The following NOTCH1 variants were observed in gnomAD, a reference collection of about 807,000 sequenced individuals.
NOTCH1 encodes neurogenic locus notch homolog protein 1.
A neutral mutation model predicts 254.8 loss-of-function variants in NOTCH1; 37 were observed. The ratio of observed to expected loss-of-function variants is 0.15; its 90% CI spans 0.11 to 0.19. NOTCH1 has a LOEUF of 0.19. Among genes scored for constraint, NOTCH1 ranks in the 10% least tolerant of loss-of-function variants. The pLI is 1.00. For missense variants in NOTCH1, 2,972 were observed against 3,708.6 expected (o/e 0.80, Z 5.16); for synonymous variants, 1,731 against 1,618.1 (o/e 1.07, Z -1.68).
chr9:136,519,248 C>A (rs1843328088), intron 5 of NOTCH1, among the ~76,000 whole-genome samples, 195 bp downstream of exon 5: 1 of 152,218 alleles, frequency 6.6e-6, no homozygotes, highest in South Asian at 2.1e-4. Context: ...TCTGTGCTGA[C>A]CCCCGAGGTG....
rs1225398496 is a variant in NOTCH1, at chr9:136,504,661, G to C, written c.5018+12C>G. ...TTGCGGGGATTGACCGTGGGCGCCGGGTCTCACTCACCCGCGGACGTCCAT... is the reference window on the plus strand; with the variant it reads ...TTGCGGGGATTGACCGTGGGCGCCGCGTCTCACTCACCCGCGGACGTCCAT... On this transcript the variant is annotated intron_variant, in intron 26 of 33. Transcript: ENST00000651671. The C allele has an allele frequency of 4.0e-6, 6 of 1,499,908 alleles. No individual in the cohort carries two copies. In the South Asian group the frequency reaches 7.9e-5, roughly 20 times the overall value. 92.9% of individuals were successfully genotyped at this position (1,499,908 alleles called of 1,614,324 possible). A position where few individuals can be genotyped will look rare whatever the true frequency, so the allele number is the denominator to read the frequency against.
intron 33 of NOTCH1, 33 bp from the exon 34 acceptor site, chr9:136,497,591 G>A (rs926750862): frequency 1.8e-5 from 28 of 1,520,836 alleles, no homozygotes; most frequent in Non-Finnish European, 2.4e-5. Flanking sequence ...GGTGAGGGGG[G>A]CCAGGCCAGG....
Position 136,509,777 on chromosome 9 carries a change from G to A in NOTCH1, c.2925C>T (p.Phe975=), listed in dbSNP as rs2133350488. 6.2e-7 allele frequency: 1 copy of A among 1,613,106 alleles called. No individual in the cohort carries two copies. The highest frequency in any genetic ancestry group is 1.1e-5 in the South Asian group (1 of 91,088). ...DSYTCTCPAG[F]SGIHCENNTP... ...TGTTGTTCTCACAGTGGATCCCGCT[G>A]AAGCCTGCGGGGCAGGTGCACGTGT... The change falls in exon 18 of 34, where the codon TTC becomes TTT. Residue 975 remains phenylalanine (F), a synonymous_variant. Coordinates refer to ENST00000651671, the MANE Select transcript of NOTCH1 (RefSeq NM_017617.5).
rs147519081 is a variant in NOTCH1 at position 136,511,336 on chromosome 9, C to T, written c.2468-65G>A. 50 of 1,539,502 alleles carry T rather than the reference C, an allele frequency of 3.2e-5. No homozygotes were observed. The Middle Eastern group carries it at 5.0e-4, about 16-fold the overall frequency. ...CAGAGGGATCTCCCAAATCGGCCAC[C>T]GCCTGCTGGTCTTTCCGCCATCAGA... On this transcript the variant is annotated intron_variant, in intron 15 of 33. Coordinates refer to ENST00000651671, the MANE Select transcript of NOTCH1 (RefSeq NM_017617.5).
Position 136,513,009 on chromosome 9 carries a change from C to A in NOTCH1, c.2467+12G>T, listed in dbSNP as rs1843206985. ...CCCGCCCCCTCCAGCACAGGCCCCA[C>A]CCACCCCTCACCTGTGTAGGGCAGC... On this transcript the variant is annotated intron_variant, in intron 15 of 33. Transcript: ENST00000651671. The surrounding 1 kb of genome is among the most constrained non-coding windows in gnomAD (Gnocchi z 4.7). 6.7e-7 allele frequency: 1 copy of A among 1,501,234 alleles called. No homozygotes were observed. The highest frequency in any genetic ancestry group is 1.1e-5 in the South Asian group (1 of 88,170). 93.0% of individuals were successfully genotyped at this position (1,501,234 alleles called of 1,614,324 possible). A position where few individuals can be genotyped will look rare whatever the true frequency, so the allele number is the denominator to read the frequency against.
In NOTCH1 at chr9:136,494,756, G is replaced by T; in HGVS notation, c.*1315C>A. ...CAAGTCTGACGTCCCTCACTGGCATGACACACAACAGACTCATTCATTAAG... is the reference window on the plus strand; with the variant it reads ...CAAGTCTGACGTCCCTCACTGGCATTACACACAACAGACTCATTCATTAAG... On this transcript the variant is annotated 3_prime_UTR_variant, in exon 34 of 34. Coordinates refer to ENST00000651671, the MANE Select transcript of NOTCH1 (RefSeq NM_017617.5). 2.5e-6 allele frequency: 1 copy of T among 398,756 alleles called. No individual in the cohort carries two copies. The highest frequency in any genetic ancestry group is 4.4e-5 in the Admixed American group (1 of 22,742). 24.7% of individuals were successfully genotyped at this position (398,756 alleles called of 1,614,324 possible). A position where few individuals can be genotyped will look rare whatever the true frequency, so the allele number is the denominator to read the frequency against.
rs1426382464 is a variant in NOTCH1 at position 136,540,305 on chromosome 9, C to G, written c.140+3719G>C. Reference sequence around the variant, plus strand: ...GGAGCAGAACGCAGCACACAGCAGGCGCTCAAACGTGTCTGTGAACTGGAG... The same window carrying G: ...GGAGCAGAACGCAGCACACAGCAGGGGCTCAAACGTGTCTGTGAACTGGAG... On this transcript the variant is annotated intron_variant, in intron 2 of 33. Transcript: ENST00000651671. This position sits in a 1 kb window ranked among gnomAD's most constrained non-coding sequence, Gnocchi z 4.4. 6.6e-6 allele frequency among the ~76,000 whole-genome samples: 1 copy of G among 152,188 alleles called. No homozygotes were observed. Among genetic ancestry groups the G allele is most frequent in the Admixed American group, 6.5e-5 (1 of 15,278 alleles).
At chr9:136,514,788 G>C in intron 12 of NOTCH1, 86 bp from the exon 13 acceptor site, 1 of 1,349,404 alleles carries the variant, frequency 7.4e-7, no homozygotes, top group Non-Finnish European at 1.0e-6. Flanking sequence ...CTGTTGAGCC[G>C]GGGCGATCAC....
Position 136,506,200 on chromosome 9 carries a change from A to T in NOTCH1, c.4015-319T>A, listed in dbSNP as rs372222041. On this transcript the variant is annotated intron_variant, in intron 24 of 33. Coordinates refer to ENST00000651671, the MANE Select transcript of NOTCH1 (RefSeq NM_017617.5). The surrounding 1 kb of genome is among the most constrained non-coding windows in gnomAD (Gnocchi z 4.5). ...GCCCAAACCCACAACCACAAAGCCA[A>T]GGGCAAGCCCCAGGTACAGGAAGGG... 2.8e-4 allele frequency among the ~76,000 whole-genome samples: 43 copies of T among 152,232 alleles called. No individual in the cohort carries two copies. Among genetic ancestry groups the T allele is most frequent in the African/African-American group, 9.6e-4 (40 of 41,544 alleles).
intron 2 of NOTCH1, among the ~76,000 whole-genome samples, chr9:136,530,652 G>C (rs767967858): frequency 6.6e-6 from 1 of 152,212 alleles, no homozygotes; most frequent in Non-Finnish European, 1.5e-5. Context: ...TCCACTGCGG[G>C]AATTTCCCAC....
intron 2 of NOTCH1, among the ~76,000 whole-genome samples, chr9:136,531,474 T>C (rs1046090108): frequency 6.6e-6 from 1 of 152,182 alleles, no homozygotes; most frequent in Non-Finnish European, 1.5e-5. Context: ...ACGGTCTGGA[T>C]GTTTTGCCTG....
intron 2 of NOTCH1, chr9:136,542,832 T>A (rs970130368): frequency 3.9e-5 from 6 of 152,334 alleles, no homozygotes; most frequent in Middle Eastern, 6.8e-3. Flanking sequence ...CGGAGGGAAC[T>A]CTTTTTCCAG....
intron 24 of NOTCH1, 37 bp from the exon 25 acceptor site, chr9:136,505,918 G>T: frequency 6.6e-7 from 1 of 1,517,788 alleles, no homozygotes; most frequent in Non-Finnish European, 8.8e-7. Context: ...GTCGGGGTGG[G>T]CCACCCCCCG....
rs529910869 is a variant in NOTCH1, at chr9:136,539,946, A to G, written c.140+4078T>C. Among the ~76,000 whole-genome samples, 7 of 152,344 alleles carry G rather than the reference A, an allele frequency of 4.6e-5. No individual in the cohort carries two copies. In the East Asian group the frequency reaches 1.4e-3, roughly 29 times the overall value. ...GAAGCCACGCCCCCAGTCCGCTTGT[A>G]GTCGGGAAATGACGGGGCAGCTCAG... On this transcript the variant is annotated intron_variant, in intron 2 of 33. Coordinates refer to ENST00000651671, the MANE Select transcript of NOTCH1 (RefSeq NM_017617.5).
intron 26 of NOTCH1, among the ~76,000 whole-genome samples, chr9:136,504,464 T>G (rs1589057963): frequency 6.6e-6 from 1 of 152,206 alleles, no homozygotes; most frequent in South Asian, 2.1e-4. Flanking sequence ...GGTGTGGCTG[T>G]GGGGTCAGGG....
Position 136,506,698 on chromosome 9 carries a change from C to G in NOTCH1, c.3901+18G>C. On this transcript the variant is annotated intron_variant, in intron 23 of 33. Transcript: ENST00000651671. This position sits in a 1 kb window ranked among gnomAD's most constrained non-coding sequence, Gnocchi z 4.5. ...CCTGCTGCCCCACACGCCCCACCCG[C>G]CTGGGCGCGGCACCCACCGGTGTGA... 6.3e-7 allele frequency: 1 copy of G among 1,596,642 alleles called. No individual in the cohort carries two copies. The highest frequency in any genetic ancestry group is 8.5e-7 in the Non-Finnish European group (1 of 1,172,390).
In NOTCH1 at chr9:136,502,429, C is replaced by T. The variant is rs767215912; in HGVS notation, c.5227G>A (p.Ala1743Thr). The change falls in exon 28 of 34, where the codon GCC becomes ACC. Residue 1743 changes from alanine (A) to threonine (T), a missense_variant. Physicochemically the swap from Ala to Thr is moderately conservative, Grantham distance 58. Around this residue, in one of 8 missense-constraint regions of NOTCH1, gnomAD observed 421 missense variants for 604.4 expected, o/e 0.70. Coordinates refer to ENST00000651671, the MANE Select transcript of NOTCH1 (RefSeq NM_017617.5). ...QLHFMYVAAA[A>T]FVLLFFVGCG... Reference sequence around the variant, plus strand: ...CCCACGAAGAACAGAAGCACAAAGGCGGCCGCCGCCACGTACATGAAGTGC... The same window carrying T: ...CCCACGAAGAACAGAAGCACAAAGGTGGCCGCCGCCACGTACATGAAGTGC... 11 of 1,608,498 alleles carry T rather than the reference C, an allele frequency of 6.8e-6. No homozygotes were observed. Among genetic ancestry groups the T allele is most frequent in the South Asian group, 4.4e-5 (4 of 90,932 alleles).
rs528464061 is a variant in NOTCH1 at position 136,544,712 on chromosome 9, C to T, written c.62-610G>A. Reference sequence around the variant, plus strand: ...GGGGCCGCCTCCAGGGGCACCGGGACAGCACCCTGGGGACGCGGCCCCGCC... The same window carrying T: ...GGGGCCGCCTCCAGGGGCACCGGGATAGCACCCTGGGGACGCGGCCCCGCC... On this transcript the variant is annotated intron_variant, in intron 1 of 33. Coordinates refer to ENST00000651671, the MANE Select transcript of NOTCH1 (RefSeq NM_017617.5). Among the ~76,000 whole-genome samples, 5 of 152,200 alleles carry T rather than the reference C, an allele frequency of 3.3e-5. No homozygotes were observed. The East Asian group carries it at 7.8e-4, about 24-fold the overall frequency.
At chr9:136,503,089 T>G (rs2133332803) in intron 27 of NOTCH1, 93 bp downstream of exon 27, 2 of 1,566,530 alleles carry the variant, frequency 1.3e-6, no homozygotes, top group Non-Finnish European at 1.7e-6. Context: ...CACCCGTGGG[T>G]AGCAACTGGC....
Sources: gnomAD v4.1 joint callset for allele counts (sites outside exome capture counted in the v4.1 genomes callset) on GRCh38, gnomAD v4.1.1 for gene constraint, gnomAD v4.1.1 regional missense constraint, Gnocchi (gnomAD v3.1) non-coding constraint, MANE v1.5 for transcripts, NCBI Gene and HGNC (gene_info 2026-07-23, HGNC 2026-07-21) for gene names.